The following FILIP1L variants were observed in gnomAD, a reference collection of about 807,000 sequenced individuals.
FILIP1L encodes filamin A interacting protein 1 like, also known as filamin A-interacting protein 1-like.
Under a neutral mutation model 96.6 loss-of-function variants are expected in FILIP1L, and 55 were observed. The observed-to-expected ratio is 0.57, with a 90% confidence interval of 0.46 to 0.71. FILIP1L has a LOEUF of 0.71. FILIP1L is among the 30% of genes least tolerant of loss of function. The pLI is 0.00. For missense variants in FILIP1L, 1,304 were observed against 1,321.2 expected (o/e 0.99, Z 0.20); for synonymous variants, 467 against 473.9 (o/e 0.99, Z 0.19).
chr3:99,986,751 C>T (rs760932263), intron 1 of FILIP1L, among the ~76,000 whole-genome samples: 16 of 151,752 alleles, frequency 1.1e-4, no homozygotes, highest in Non-Finnish European at 1.6e-4. Context: ...TTGCCCCACC[C>T]CCAGGGGATG....
At chr3:99,920,973 AC>A (rs1328833826) in intron 4 of FILIP1L, among the ~76,000 whole-genome samples, 5 of 152,080 alleles carry the variant, frequency 3.3e-5, no homozygotes, top group African/African-American at 4.8e-5. Flanking sequence ...TCAACCAGAT[AC>A]CCCTTTGTAT....
chr3:99,917,347 T>A (rs1395569671), intron 4 of FILIP1L, among the ~76,000 whole-genome samples: 2 of 152,174 alleles, frequency 1.3e-5, no homozygotes, highest in Admixed American at 1.3e-4. Flanking sequence ...ATTTTAGTTG[T>A]GTGTAAAATT....
chr3:99,883,272 C>T (rs1705787732), intron 4 of FILIP1L, among the ~76,000 whole-genome samples: 1 of 152,206 alleles, frequency 6.6e-6, no homozygotes, highest in Non-Finnish European at 1.5e-5. Flanking sequence ...CTGCTTCTAA[C>T]TTCCACTCAT....
At chr3:100,071,295 G>A (rs904117665) in intron 1 of FILIP1L, among the ~76,000 whole-genome samples, 7 of 152,226 alleles carry the variant, frequency 4.6e-5, no homozygotes, top group Admixed American at 3.9e-4. Context: ...GTAAGATGGA[G>A]AAACTTGTAC....
chr3:99,899,635 A>T lies in FILIP1L; in HGVS notation c.605+24595T>A, dbSNP rs1415826562. Among the ~76,000 whole-genome samples the T allele has an allele frequency of 2.0e-5, 3 of 152,196 alleles. No individual in the cohort carries two copies. The East Asian group carries it at 5.8e-4, about 29-fold the overall frequency. ...TCTAGGACAAAGTACTAGGAATCTG[A>T]CATAAAGTACACTGTTCCTGAAATT... is the stretch of plus-strand genomic sequence containing the variant. On this transcript the variant is annotated intron_variant, in intron 4 of 5. Transcript: ENST00000477258.
chr3:99,954,856 A>G (rs551502214), intron 1 of FILIP1L, among the ~76,000 whole-genome samples: 1 of 152,208 alleles, frequency 6.6e-6, no homozygotes, highest in African/African-American at 2.4e-5. Flanking sequence ...GTCACAACAG[A>G]CTGTTAGGAT....
intron 1 of FILIP1L, among the ~76,000 whole-genome samples, chr3:99,990,398 T>C (rs1709477565): frequency 6.6e-6 from 1 of 152,214 alleles, no homozygotes; most frequent in Admixed American, 6.5e-5. Context: ...GAGAGCCCTA[T>C]GCCCTTAGGC....
At chr3:100,068,883 T>G (rs2065713558) in intron 1 of FILIP1L, among the ~76,000 whole-genome samples, 1 of 152,190 alleles carries the variant, frequency 6.6e-6, no homozygotes, top group Admixed American at 6.5e-5. Flanking sequence ...TCAGAGGTTA[T>G]TTTGTGAATT....
chr3:100,047,093 C>A (rs1423481683), intron 1 of FILIP1L, among the ~76,000 whole-genome samples: 1 of 152,076 alleles, frequency 6.6e-6, no homozygotes, highest in Non-Finnish European at 1.5e-5. Flanking sequence ...AAATGTTTAG[C>A]CATTGAAGTT....
At chr3:99,899,744 A>G (rs938535121) in intron 4 of FILIP1L, among the ~76,000 whole-genome samples, 1 of 152,188 alleles carries the variant, frequency 6.6e-6, no homozygotes, top group Non-Finnish European at 1.5e-5. Context: ...CTTAATGCAC[A>G]TTAACTCCCA....
chr3:100,004,598 A>G (rs1709935689), intron 1 of FILIP1L, among the ~76,000 whole-genome samples: 1 of 152,176 alleles, frequency 6.6e-6, no homozygotes, highest in South Asian at 2.1e-4. Flanking sequence ...GAATTAAGAA[A>G]CATCATCATC....
At chr3:100,074,937 A>G (rs1031747958) in intron 1 of FILIP1L, among the ~76,000 whole-genome samples, 1 of 151,820 alleles carries the variant, frequency 6.6e-6, no homozygotes, top group African/African-American at 2.4e-5. Context: ...CAAGTGATCC[A>G]CCAGCCTTAT....
chr3:99,970,197 A>G (rs940164660), intron 1 of FILIP1L, among the ~76,000 whole-genome samples: 1 of 152,344 alleles, frequency 6.6e-6, no homozygotes, highest in Middle Eastern at 3.4e-3. Flanking sequence ...CAGCTGAGAA[A>G]GTGAAGGCAT....
intron 1 of FILIP1L, among the ~76,000 whole-genome samples, chr3:100,013,214 G>GTGTTGTTGTTGTTGT (rs35047568): frequency 1.6e-4 from 24 of 145,520 alleles, no homozygotes; most frequent in South Asian, 4.6e-4. Flanking sequence ...GGCCAGTGAG[G>GTGTTGTTGTTGTTGT]TGTTGTTGTT....
chr3:100,019,448 T>A (rs987346321), intron 1 of FILIP1L, among the ~76,000 whole-genome samples: 2 of 152,154 alleles, frequency 1.3e-5, no homozygotes, highest in Non-Finnish European at 2.9e-5. Context: ...TAATAATAAG[T>A]GATGACATTT....
rs71907944 is a variant in FILIP1L at position 100,062,093 on chromosome 3, C to CTTTTTTTTTT, written c.-11+51950_-11+51959dup. On this transcript the variant is annotated intron_variant, in intron 1 of 5. Coordinates refer to ENST00000477258, the MANE Select transcript of FILIP1L (RefSeq NM_001387850.1). ...CCACTTGTGGTTATCCTGTCTTCTT[C>CTTTTTTTTTT]TTTTTTTTTTTTTTTTTTTTTTTTT... Among the ~76,000 whole-genome samples the CTTTTTTTTTT allele has an allele frequency of 1.9e-3, 100 of 53,176 alleles. 28 individuals carry two copies. The highest frequency in any genetic ancestry group is 4.8e-3 in the African/African-American group (54 of 11,242). 34.9% of individuals were successfully genotyped at this position (53,176 alleles called of 152,430 possible). A position where few individuals can be genotyped will look rare whatever the true frequency, so the allele number is the denominator to read the frequency against.
In FILIP1L at chr3:99,849,156, A is replaced by T. The variant is rs1456869241; in HGVS notation, c.2520T>A (p.Asp840Glu). 3 of 1,614,186 alleles carry T rather than the reference A, an allele frequency of 1.9e-6. No individual in the cohort carries two copies. Among genetic ancestry groups the T allele is most frequent in the East Asian group, 2.2e-5 (1 of 44,888 alleles). The change falls in exon 5 of 6, where the codon GAT (aspartate) becomes GAA (glutamate). Residue 840 changes from aspartate to glutamate, a missense_variant. Physicochemically the swap from Asp to Glu is conservative, Grantham distance 45 (BLOSUM62 2). Coordinates refer to ENST00000477258, the MANE Select transcript of FILIP1L (RefSeq NM_001387850.1). ...ATTTGAAGGACAGCACAGATCCCTC[A>T]TCATTAGGGTCCTCGTCTTGATTCT... ...ESENQDEDPN[D>E]EGSVLSFKCS...
intron 1 of FILIP1L, among the ~76,000 whole-genome samples, chr3:100,027,409 A>G (rs982809780): frequency 1.3e-5 from 2 of 152,190 alleles, no homozygotes; most frequent in African/African-American, 4.8e-5. Flanking sequence ...ACTCTTCAAT[A>G]GGCCAAACCT....
At chr3:100,083,676 A>G (rs987962183) in intron 1 of FILIP1L, among the ~76,000 whole-genome samples, 1 of 152,240 alleles carries the variant, frequency 6.6e-6, no homozygotes, top group Non-Finnish European at 1.5e-5. Flanking sequence ...GTGTTAGAAT[A>G]ATCAGTCTTA....
Sources: gnomAD v4.1 joint callset for allele counts (sites outside exome capture counted in the v4.1 genomes callset) on GRCh38, gnomAD v4.1.1 for gene constraint, MANE v1.5 for transcripts, NCBI Gene and HGNC (gene_info 2026-07-23, HGNC 2026-07-21) for gene names.